The following PARVA variants were observed in gnomAD, a reference collection of about 807,000 sequenced individuals.
PARVA encodes parvin alpha.
Under a neutral mutation model 52.6 loss-of-function variants are expected in PARVA, and 25 were observed. The ratio of observed to expected loss-of-function variants is 0.48; its 90% confidence interval spans 0.35 to 0.66. The LOEUF (loss-of-function observed/expected upper bound fraction) is 0.66, where lower values mean the gene tolerates loss of function less well. Among genes scored for constraint, PARVA ranks in the 30% least tolerant of loss-of-function variants. The pLI, the probability that PARVA is intolerant of heterozygous loss-of-function variation, is 0.01. For missense variants in PARVA, 373 were observed against 450.9 expected (o/e 0.83, Z 1.56); for synonymous variants, 185 against 179.1 (o/e 1.03, Z -0.26).
chr11:12,471,172 G>GTATGGTGGGTAT (rs1341107068), intron 1 of PARVA, among the ~76,000 whole-genome samples: 2 of 152,180 alleles, frequency 1.3e-5, no homozygotes, highest in Non-Finnish European at 2.9e-5. Context: ...TTTAGTGCTG[G>GTATGGTGGGTAT]TATGGTGGGT....
chr11:12,443,447 G>T (rs1055285661), intron 1 of PARVA, among the ~76,000 whole-genome samples: 9 of 152,238 alleles, frequency 5.9e-5, no homozygotes, highest in African/African-American at 2.2e-4. Context: ...TGGGATTACA[G>T]GCGTGAGGCA....
intron 1 of PARVA, among the ~76,000 whole-genome samples, chr11:12,406,323 C>T (rs548807577): frequency 7.9e-5 from 12 of 152,322 alleles, no homozygotes; most frequent in Admixed American, 3.3e-4. Flanking sequence ...GGTCCAGCCA[C>T]GTTATGGAGG....
At chr11:12,472,779 C>T (rs1161162082) in intron 1 of PARVA, among the ~76,000 whole-genome samples, 2 of 152,176 alleles carry the variant, frequency 1.3e-5, no homozygotes, top group Non-Finnish European at 2.9e-5. Flanking sequence ...TGGTGACCAA[C>T]GCCTTCTGAG....
At chr11:12,395,612 C>A (rs1398121696) in intron 1 of PARVA, among the ~76,000 whole-genome samples, 1 of 152,316 alleles carries the variant, frequency 6.6e-6, no homozygotes. Flanking sequence ...AGGTACGGTG[C>A]GGCCCAGATC....
chr11:12,424,558 C>A (rs1423820491), intron 1 of PARVA, among the ~76,000 whole-genome samples: 1 of 152,168 alleles, frequency 6.6e-6, no homozygotes, highest in Non-Finnish European at 1.5e-5. Flanking sequence ...ATTGAAGTCT[C>A]AATAGTCATC....
intron 1 of PARVA, among the ~76,000 whole-genome samples, chr11:12,406,022 A>G (rs1275307295): frequency 6.6e-6 from 1 of 152,216 alleles, no homozygotes; most frequent in Non-Finnish European, 1.5e-5. Context: ...AGTGTTATTT[A>G]TACATGTATA....
At chr11:12,396,166 A>G (rs1291341667) in intron 1 of PARVA, among the ~76,000 whole-genome samples, 1 of 152,230 alleles carries the variant, frequency 6.6e-6, no homozygotes, top group Non-Finnish European at 1.5e-5. Flanking sequence ...AAGATCTCTC[A>G]GCTATTAATT....
At chr11:12,455,769 G>A (rs1279484799) in intron 1 of PARVA, among the ~76,000 whole-genome samples, 1 of 151,890 alleles carries the variant, frequency 6.6e-6, no homozygotes, top group Non-Finnish European at 1.5e-5. Flanking sequence ...TCTGCTTCTT[G>A]CCACCTCTGA....
chr11:12,484,388 G>A (rs1471837460), intron 4 of PARVA, among the ~76,000 whole-genome samples: 3 of 152,084 alleles, frequency 2.0e-5, no homozygotes, highest in Non-Finnish European at 4.4e-5. Context: ...AGCTTCCAGG[G>A]CTCTTCTTTC....
chr11:12,383,664 T>G (rs1939526280), intron 1 of PARVA, among the ~76,000 whole-genome samples: 1 of 152,172 alleles, frequency 6.6e-6, no homozygotes, highest in South Asian at 2.1e-4. Context: ...TTTTCCAAAG[T>G]ACATCTTTTT....
Position 12,421,212 on chromosome 11 carries a change from C to T in PARVA, c.136+43429C>T, listed in dbSNP as rs2134984484. 1.3e-5 allele frequency among the ~76,000 whole-genome samples: 2 copies of T among 152,054 alleles called. 1 individual carries two copies. Among genetic ancestry groups the T allele is most frequent in the South Asian group, 4.2e-4 (2 of 4,816 alleles). Reference sequence around the variant, plus strand: ...AAAAAGTTGCACAGATGAGGCTATCCAAGCATGGTACCCAAGAGGGATTAG... The same window carrying T: ...AAAAAGTTGCACAGATGAGGCTATCTAAGCATGGTACCCAAGAGGGATTAG... On this transcript the variant is annotated intron_variant, in intron 1 of 12. Coordinates refer to ENST00000334956, the MANE Select transcript of PARVA (RefSeq NM_018222.5).
intron 10 of PARVA, among the ~76,000 whole-genome samples, chr11:12,514,727 C>A (rs766740063): frequency 2.0e-5 from 3 of 152,222 alleles, no homozygotes; most frequent in Non-Finnish European, 4.4e-5. Flanking sequence ...CTCAGGTGAT[C>A]CACCCACCTT....
intron 1 of PARVA, among the ~76,000 whole-genome samples, chr11:12,419,890 G>T (rs1212904515): frequency 6.6e-6 from 1 of 152,164 alleles, no homozygotes; most frequent in African/African-American, 2.4e-5. Context: ...AGGTGTGGTG[G>T]CAAAACCTAG....
rs1941788359 is a variant in PARVA at position 12,532,798 on chromosome 11, A to G, written c.*4873A>G. 6.6e-6 allele frequency among the ~76,000 whole-genome samples: 1 copy of G among 152,298 alleles called. No homozygotes were observed. The highest frequency in any genetic ancestry group is 2.1e-4 in the South Asian group (1 of 4,822). On this transcript the variant is annotated 3_prime_UTR_variant, in exon 13 of 13. Coordinates refer to ENST00000334956, the MANE Select transcript of PARVA (RefSeq NM_018222.5). ...CAGACAAGAAGACCTGGCTCCCCAG[A>G]GGAGTGCGGAAAGCCAGCATGGCTA...
intron 1 of PARVA, among the ~76,000 whole-genome samples, chr11:12,468,449 T>C (rs1457434130): frequency 6.6e-6 from 1 of 152,212 alleles, no homozygotes; most frequent in African/African-American, 2.4e-5. Context: ...AGAGATGCCA[T>C]AGCATTTCTT....
chr11:12,449,372 G>C (rs536044241), intron 1 of PARVA, among the ~76,000 whole-genome samples: 1 of 152,006 alleles, frequency 6.6e-6, no homozygotes, highest in African/African-American at 2.4e-5. Context: ...GGATAGGCTG[G>C]TTTCAAACTC....
In PARVA at chr11:12,527,889, G is replaced by A. The variant is rs1162205161; in HGVS notation, c.1083G>A (p.Leu361=). The A allele has an allele frequency of 1.9e-6, 3 of 1,613,240 alleles. No individual in the cohort carries two copies. Among genetic ancestry groups the A allele is most frequent in the Non-Finnish European group, 2.5e-6 (3 of 1,179,726 alleles). The part of the protein sequence containing the change: ...NCDLKSTLRV[L]YNLFTKYRNV... ...ACCTGAAATCTACACTACGAGTGTT[G>A]TACAACCTCTTCACCAAGTACCGTA... Residue 361 remains leucine (L), a synonymous_variant, in exon 13 of 13, where the codon TTG becomes TTA. Coordinates refer to ENST00000334956, the MANE Select transcript of PARVA (RefSeq NM_018222.5).
chr11:12,482,257 T>C (rs1941098327), intron 4 of PARVA, among the ~76,000 whole-genome samples: 1 of 151,882 alleles, frequency 6.6e-6, no homozygotes, highest in East Asian at 1.9e-4. Context: ...GAGGCAGAAG[T>C]GTGTGAGAAG....
chr11:12,509,526 G>A (rs1459851780), intron 7 of PARVA, among the ~76,000 whole-genome samples: 1 of 152,148 alleles, frequency 6.6e-6, no homozygotes, highest in Non-Finnish European at 1.5e-5. Flanking sequence ...TACCTGCCAA[G>A]CCCATCCAGT....
Sources: allele counts gnomAD v4.1 joint callset (sites outside exome capture counted in the v4.1 genomes callset), GRCh38; gene constraint gnomAD v4.1.1; transcripts MANE v1.5; gene names NCBI Gene and HGNC (gene_info 2026-07-23, HGNC 2026-07-21).